Variants in KIRREL3 observed in about 807,000 individuals in gnomAD.
KIRREL3 encodes the protein kin of IRRE-like protein 3.
A neutral mutation model predicts 89.7 loss-of-function variants in KIRREL3; 36 were observed. The ratio of observed to expected loss-of-function variants is 0.40; its 90% CI spans 0.31 to 0.53. The LOEUF (loss-of-function observed/expected upper bound fraction) is 0.53. Among genes scored for constraint, KIRREL3 ranks in the 20% least tolerant of loss-of-function variants. KIRREL3 has a pLI of 0.49. For synonymous variants in KIRREL3, 445 were observed against 441.4 expected (o/e 1.01, Z -0.10); for missense variants, 864 against 1,056.6 (o/e 0.82, Z 2.53).
At chr11:126,456,214 A>C (rs1231023391) in intron 7 of KIRREL3, 135 bp downstream of exon 7, 3 of 626,910 alleles carry the variant, frequency 4.8e-6, no homozygotes, top group Non-Finnish European at 8.6e-6. Flanking sequence ...GAGGAAGGGA[A>C]GAAGGCTACT....
intron 1 of KIRREL3, among the ~76,000 whole-genome samples, chr11:126,986,653 G>T (rs1949875728): frequency 6.6e-6 from 1 of 152,226 alleles, no homozygotes; most frequent in Non-Finnish European, 1.5e-5. Flanking sequence ...TTCCAGTTGT[G>T]AGAGGAAGGC....
Position 126,668,737 on chromosome 11 carries a change from C to T in KIRREL3, c.56-105825G>A, listed in dbSNP as rs932511145. On this transcript the variant is annotated intron_variant, in intron 1 of 16. Transcript: ENST00000525144. This position sits in a 1 kb window ranked among gnomAD's most constrained non-coding sequence, Gnocchi z 4.4. ...TCTTTCTTTCTTTCTTTCTTTCTTT[C>T]TTTCTTTCTTTCTTTCTTTTTTCTC... Among the ~76,000 whole-genome samples, 6 of 118,316 alleles carry T rather than the reference C, an allele frequency of 5.1e-5. No homozygotes were observed. The highest frequency in any genetic ancestry group is 7.0e-4 in the South Asian group (2 of 2,846). The allele number at this position is 118,316 out of a possible 152,430, so 77.6% of individuals were successfully genotyped here. A position where few individuals can be genotyped will look rare whatever the true frequency, so the allele number is the denominator to read the frequency against.
At chr11:126,661,746 A>AT (rs1357142489) in intron 1 of KIRREL3, among the ~76,000 whole-genome samples, 3 of 152,214 alleles carry the variant, frequency 2.0e-5, no homozygotes, top group African/African-American at 7.2e-5. Context: ...CCCAGGCTCC[A>AT]TCCCCAGAGA....
chr11:126,715,873 G>C lies in KIRREL3; in HGVS notation c.56-152961C>G, dbSNP rs1214043350. 1.3e-5 allele frequency among the ~76,000 whole-genome samples: 2 copies of C among 152,198 alleles called. No homozygotes were observed. Among genetic ancestry groups the C allele is most frequent in the Non-Finnish European group, 2.9e-5 (2 of 68,044 alleles). ...AGCCCTTGGTGCTCCTCTGAAGAAT[G>C]CAAGAGCAATCTGCAGTGTTATTGA... is the stretch of plus-strand genomic sequence containing the variant. On this transcript the variant is annotated intron_variant, in intron 1 of 16. Coordinates refer to ENST00000525144, the MANE Select transcript of KIRREL3 (RefSeq NM_032531.4). The surrounding 1 kb of genome is among the most constrained non-coding windows in gnomAD (Gnocchi z 4.4).
rs1565423177 is a variant in KIRREL3, at chr11:126,923,191, T to TCTTCTTCTTCTA, written c.55+77263_55+77264insTAGAAGAAGAAG. ...TCTTCTTCTTCTCTTCTTCTTCTCT[T>TCTTCTTCTTCTA]CTTCTTCTTCTTCTTCTTCTTCTTC... On this transcript the variant is annotated intron_variant, in intron 1 of 16. Transcript: ENST00000525144. 1.5e-3 allele frequency among the ~76,000 whole-genome samples: 15 copies of TCTTCTTCTTCTA among 9,796 alleles called. 4 individuals are homozygous for TCTTCTTCTTCTA. Among genetic ancestry groups the TCTTCTTCTTCTA allele is most frequent in the African/African-American group, 9.0e-3 (8 of 884 alleles). The allele number at this position is 9,796 out of a possible 152,430, so 6.4% of individuals were successfully genotyped here.
rs1949351900 is a variant in KIRREL3 at position 126,752,008 on chromosome 11, T to G, written c.56-189096A>C. ...ATGAGCCACCATGCCAAGCTTAGAATGTAGAGTTTAGAGTAAGAAAGAACT... is the reference window on the plus strand; with the variant it reads ...ATGAGCCACCATGCCAAGCTTAGAAGGTAGAGTTTAGAGTAAGAAAGAACT... On this transcript the variant is annotated intron_variant, in intron 1 of 16. Coordinates refer to ENST00000525144, the MANE Select transcript of KIRREL3 (RefSeq NM_032531.4). The surrounding 1 kb of genome is among the most constrained non-coding windows in gnomAD (Gnocchi z 4.8). Among the ~76,000 whole-genome samples, 2 of 152,182 alleles carry G rather than the reference T, an allele frequency of 1.3e-5. No individual in the cohort carries two copies. The highest frequency in any genetic ancestry group is 4.1e-4 in the South Asian group (2 of 4,824).
At chr11:126,716,923 C>T (rs571472203) in intron 1 of KIRREL3, among the ~76,000 whole-genome samples, 1 of 152,094 alleles carries the variant, frequency 6.6e-6, no homozygotes, top group African/African-American at 2.4e-5. Flanking sequence ...CCTGGGAAGG[C>T]GGGAATGAGC....
Position 126,805,384 on chromosome 11 carries a change from A to G in KIRREL3, c.55+195071T>C, listed in dbSNP as rs1951171836. 6.6e-6 allele frequency among the ~76,000 whole-genome samples: 1 copy of G among 152,124 alleles called. No homozygotes were observed. The highest frequency in any genetic ancestry group is 2.4e-5 in the African/African-American group (1 of 41,408). On this transcript the variant is annotated intron_variant, in intron 1 of 16. Transcript: ENST00000525144. The surrounding 1 kb of genome is among the most constrained non-coding windows in gnomAD (Gnocchi z 4.3). ...CATACTGGGTGGAGGAGATTTAATT[A>G]CTCAGATGCTCTTATGCTCCTCAAA...
intron 1 of KIRREL3, among the ~76,000 whole-genome samples, chr11:126,835,380 A>G (rs1184065890): frequency 6.6e-6 from 1 of 152,234 alleles, no homozygotes; most frequent in Non-Finnish European, 1.5e-5. Flanking sequence ...AATGTAGGAA[A>G]AGAATTACAT....
chr11:126,770,251 G>A (rs991722780), intron 1 of KIRREL3, among the ~76,000 whole-genome samples: 1 of 152,140 alleles, frequency 6.6e-6, no homozygotes, highest in African/African-American at 2.4e-5. Context: ...CCTTTCTCTT[G>A]TCTTGCCTTA....
chr11:126,819,930 CCTGGGTT>C (rs1173498492), intron 1 of KIRREL3, among the ~76,000 whole-genome samples: 1 of 152,206 alleles, frequency 6.6e-6, no homozygotes, highest in Non-Finnish European at 1.5e-5. Context: ...GTCCAGGACA[CCTGGGTT>C]CCACTTGATT....
chr11:126,821,264 C>G (rs369835041), intron 1 of KIRREL3, among the ~76,000 whole-genome samples: 11 of 149,458 alleles, frequency 7.4e-5, no homozygotes, highest in African/African-American at 2.8e-4. Context: ...CACCCCCCAG[C>G]AGTGCTTCTC....
chr11:126,480,934 T>C (rs1957200994), intron 4 of KIRREL3, among the ~76,000 whole-genome samples: 1 of 152,162 alleles, frequency 6.6e-6, no homozygotes, highest in Non-Finnish European at 1.5e-5. Context: ...ATGGCCACAA[T>C]GGAGAACTGC....
In KIRREL3 at chr11:126,656,179, A is replaced by AG; in HGVS notation, c.56-93268dup. 1 of 456,176 alleles carries AG rather than the reference A, an allele frequency of 2.2e-6. No homozygotes were observed. Among genetic ancestry groups the AG allele is most frequent in the South Asian group, 1.5e-5 (1 of 64,544 alleles). 28.3% of individuals were successfully genotyped at this position (456,176 alleles called of 1,614,324 possible). A position where few individuals can be genotyped will look rare whatever the true frequency, so the allele number is the denominator to read the frequency against. ...CAGGAGCAATGTTTGCAGGTGAGTGAGGTCAGGGAGGGCTACAGAGTTAGG... is the reference window on the plus strand; with the variant it reads ...CAGGAGCAATGTTTGCAGGTGAGTGAGGGTCAGGGAGGGCTACAGAGTTAGG... On this transcript the variant is annotated intron_variant, in intron 1 of 16. Coordinates refer to ENST00000525144, the MANE Select transcript of KIRREL3 (RefSeq NM_032531.4). The surrounding 1 kb of genome is among the most constrained non-coding windows in gnomAD (Gnocchi z 4.0).
chr11:126,511,017 A>G (rs1456796559), intron 4 of KIRREL3, among the ~76,000 whole-genome samples: 2 of 151,672 alleles, frequency 1.3e-5, no homozygotes, highest in African/African-American at 4.9e-5. Flanking sequence ...CACAAGGGCC[A>G]GTGGCTGGGC....
Position 126,918,565 on chromosome 11 carries a change from T to G in KIRREL3, c.55+81890A>C, listed in dbSNP as rs894653652. 6.6e-6 allele frequency among the ~76,000 whole-genome samples: 1 copy of G among 152,232 alleles called. No homozygotes were observed. Among genetic ancestry groups the G allele is most frequent in the African/African-American group, 2.4e-5 (1 of 41,456 alleles). The stretch of plus-strand genomic sequence containing the variant: ...AACATTCTTCACCATCATCCACTCA[T>G]GACATAGGTTAGGTACATTTACACA... On this transcript the variant is annotated intron_variant, in intron 1 of 16. Transcript: ENST00000525144. This position sits in a 1 kb window ranked among gnomAD's most constrained non-coding sequence, Gnocchi z 6.5.
chr11:126,526,596 A>C lies in KIRREL3; in HGVS notation c.225T>G (p.Asp75Glu). 1 of 1,611,708 alleles carries C rather than the reference A, an allele frequency of 6.2e-7. No individual in the cohort carries two copies. Among genetic ancestry groups the C allele is most frequent in the Non-Finnish European group, 8.5e-7 (1 of 1,179,066 alleles). ...CGTCCTTGATCCACAGAACGAAGCCATCGTATTCGGGGATGGCGCAAAGTA... is the reference window on the plus strand; with the variant it reads ...CGTCCTTGATCCACAGAACGAAGCCCTCGTATTCGGGGATGGCGCAAAGTA... The part of the protein sequence containing the change: ...VTLLCAIPEY[D>E]GFVLWIKDGL... The change falls in exon 3 of 17, where the codon GAT (aspartate) becomes GAG (glutamate). Residue 75 changes from aspartate (D) to glutamate (E), a missense_variant. Asp to Glu is a conservative substitution (Grantham distance 45). Transcript: ENST00000525144. The surrounding 1 kb of genome is among the most constrained non-coding windows in gnomAD (Gnocchi z 5.7).
chr11:126,775,341 C>T (rs1950140183), intron 1 of KIRREL3, among the ~76,000 whole-genome samples: 2 of 152,188 alleles, frequency 1.3e-5, no homozygotes, highest in African/African-American at 4.8e-5. Flanking sequence ...AAACACCAGG[C>T]TGCATATTTT....
Position 126,491,691 on chromosome 11 carries a change from TTTTTTTC to T in KIRREL3, c.434-18232_434-18226del, listed in dbSNP as rs993288136. 3.3e-5 allele frequency among the ~76,000 whole-genome samples: 5 copies of T among 152,128 alleles called. No homozygotes were observed. The highest frequency in any genetic ancestry group is 4.8e-5 in the African/African-American group (2 of 41,428). ...CCACACACAGATTTGGATGTTTTTC[TTTTTTTC>T]TTTTTTCTTTTTTTTTATATTTATA... is the stretch of plus-strand genomic sequence containing the variant. On this transcript the variant is annotated intron_variant, in intron 4 of 16. Transcript: ENST00000525144. This position sits in a 1 kb window ranked among gnomAD's most constrained non-coding sequence, Gnocchi z 5.5.
Sources: allele counts gnomAD v4.1 joint callset (sites outside exome capture counted in the v4.1 genomes callset), GRCh38; gene constraint gnomAD v4.1.1; non-coding constraint Gnocchi (gnomAD v3.1); transcripts MANE v1.5; gene names NCBI Gene and HGNC (gene_info 2026-07-23, HGNC 2026-07-21).